TTC28: variants seen among roughly 807,000 people sequenced by gnomAD.
TTC28 encodes tetratricopeptide repeat protein 28.
TTC28 carries 61 observed loss-of-function variants against 198.0 expected under a neutral mutation model. That is an observed-to-expected ratio of 0.31 (90% confidence interval 0.25 to 0.38). The LOEUF (loss-of-function observed/expected upper bound fraction) is 0.38. Among genes scored for constraint, TTC28 ranks in the 10% least tolerant of loss-of-function variants. TTC28 has a pLI of 1.00. For synonymous variants in TTC28, 1,171 were observed against 1,297.8 expected (o/e 0.90, Z 2.10); for missense variants, 2,678 against 3,164.0 (o/e 0.85, Z 3.69).
At chr22:28,625,225 A>G (rs768443088) in intron 2 of TTC28, among the ~76,000 whole-genome samples, 2 of 152,190 alleles carry the variant, frequency 1.3e-5, no homozygotes, top group Non-Finnish European at 2.9e-5. Flanking sequence ...AAGTGAAGAA[A>G]AAGAAAAAGA....
At chr22:28,243,174 C>CAAACAAAAAAAAAA in intron 5 of TTC28, among the ~76,000 whole-genome samples, 1 of 68,336 alleles carries the variant, frequency 1.5e-5, no homozygotes, top group South Asian at 6.1e-4. Context: ...CCCCTCTCTA[C>CAAACAAAAAAAAAA]AAAAAAAAAA....
rs117776185 is a variant in TTC28 at position 28,599,764 on chromosome 22, C to T, written c.381+29788G>A. The stretch of plus-strand genomic sequence containing the variant: ...ATGAGTATGATGAGGTATAAAGGTC[C>T]TATTTTCAATAAAATACTGACCAAA... On this transcript the variant is annotated intron_variant, in intron 2 of 22. Transcript: ENST00000397906. Among the ~76,000 whole-genome samples the T allele has an allele frequency of 3.2e-3, 481 of 152,236 alleles. 7 individuals carry two copies. The East Asian group carries it at 0.049, about 15-fold the overall frequency.
chr22:28,321,148 C>T (rs1193457841), intron 2 of TTC28, among the ~76,000 whole-genome samples: 1 of 152,118 alleles, frequency 6.6e-6, no homozygotes, highest in East Asian at 1.9e-4. Context: ...GGCTGAGAAG[C>T]TTGCTGATGG....
chr22:28,288,416 T>C (rs939797430), intron 5 of TTC28, among the ~76,000 whole-genome samples: 5 of 152,168 alleles, frequency 3.3e-5, no homozygotes, highest in Non-Finnish European at 5.9e-5. Flanking sequence ...TAGAAATAAG[T>C]GCGATGCTCA....
At chr22:28,151,244 G>T (rs1326488891) in intron 6 of TTC28, among the ~76,000 whole-genome samples, 1 of 152,194 alleles carries the variant, frequency 6.6e-6, no homozygotes, top group African/African-American at 2.4e-5. Flanking sequence ...TCAATTACCT[G>T]CTGCTGATAA....
intron 2 of TTC28, among the ~76,000 whole-genome samples, chr22:28,621,565 T>G (rs1053361582): frequency 2.7e-5 from 4 of 148,748 alleles, no homozygotes; most frequent in African/African-American, 7.4e-5. Flanking sequence ...AAAATAATAA[T>G]AATAAAAAAA....
chr22:28,265,416 C>T (rs936245581), intron 5 of TTC28, among the ~76,000 whole-genome samples: 12 of 152,094 alleles, frequency 7.9e-5, no homozygotes, highest in African/African-American at 2.4e-4. Context: ...AGACCACCAA[C>T]GGAAATGTTT....
rs1266250659 is a variant in TTC28 at position 27,982,497 on chromosome 22, A to G, written c.7170T>C (p.Asp2390=). ...GTGACAAATTCAACAGACTGAGGAC[A>G]TCCCTTTTGGAAGTCATCGTGCCAG... ...GAPGTMTSKR[D]VLSLLNLSPR... The change falls in exon 23 of 23, where the codon GAT becomes GAC. Residue 2390 remains aspartate (D), a synonymous_variant. Coordinates refer to ENST00000397906, the MANE Select transcript of TTC28 (RefSeq NM_001145418.2). The surrounding 1 kb of genome is among the most constrained non-coding windows in gnomAD (Gnocchi z 5.2). 6.4e-7 allele frequency: 1 copy of G among 1,551,560 alleles called. No individual in the cohort carries two copies. Among genetic ancestry groups the G allele is most frequent in the Non-Finnish European group, 8.7e-7 (1 of 1,146,994 alleles).
intron 2 of TTC28, among the ~76,000 whole-genome samples, chr22:28,379,375 C>G (rs2046461724): frequency 1.3e-5 from 2 of 151,946 alleles, no homozygotes; most frequent in Non-Finnish European, 2.9e-5. Flanking sequence ...TGGAGGCAAC[C>G]CAAGTTTCTA....
chr22:28,233,392 C>G (rs1187233680), intron 5 of TTC28, among the ~76,000 whole-genome samples: 1 of 152,116 alleles, frequency 6.6e-6, no homozygotes, highest in Non-Finnish European at 1.5e-5. Flanking sequence ...GGAGATATCT[C>G]TATACCTCAC....
At chr22:28,189,118 T>A (rs1924479412) in intron 5 of TTC28, among the ~76,000 whole-genome samples, 1 of 152,110 alleles carries the variant, frequency 6.6e-6, no homozygotes, top group African/African-American at 2.4e-5. Flanking sequence ...GAGGCTGAGG[T>A]GGGAGGATCA....
rs1936982003 is a variant in TTC28 at position 27,980,772 on chromosome 22, C to T, written c.*1449G>A. ...AACTCAGTACTAATACGACTTTCAG[C>T]ATTTCCTTTCTTTATAAAATAAATT... On this transcript the variant is annotated 3_prime_UTR_variant, in exon 23 of 23. Transcript: ENST00000397906. The T allele has an allele frequency of 6.6e-6, 1 of 152,258 alleles. No homozygotes were observed. Among genetic ancestry groups the T allele is most frequent in the Non-Finnish European group, 1.5e-5 (1 of 68,050 alleles). The allele number at this position is 152,258 out of a possible 1,614,324, so 9.4% of individuals were successfully genotyped here.
chr22:28,549,163 G>A (rs1200083433), intron 2 of TTC28, among the ~76,000 whole-genome samples: 3 of 151,966 alleles, frequency 2.0e-5, no homozygotes, highest in Admixed American at 2.0e-4. Flanking sequence ...GAGTAGCTGG[G>A]ATTACAGGCA....
intron 1 of TTC28, among the ~76,000 whole-genome samples, chr22:28,656,761 C>G (rs971326720): frequency 6.6e-6 from 1 of 151,974 alleles, no homozygotes. Flanking sequence ...ACCGGCCTGT[C>G]GTGGCGTGGA....
chr22:28,184,637 G>A (rs1382039578), intron 5 of TTC28, among the ~76,000 whole-genome samples: 1 of 151,736 alleles, frequency 6.6e-6, no homozygotes, highest in Non-Finnish European at 1.5e-5. Flanking sequence ...GATTTGCTTA[G>A]CATAAAAATA....
intron 2 of TTC28, among the ~76,000 whole-genome samples, chr22:28,308,280 A>T (rs1016721622): frequency 3.9e-5 from 6 of 152,170 alleles, no homozygotes; most frequent in Non-Finnish European, 8.8e-5. Context: ...TAGTTTCTAT[A>T]TTGCAAGAGG....
intron 12 of TTC28, among the ~76,000 whole-genome samples, chr22:28,069,925 A>AACACACAC (rs60436240): frequency 0.01 from 1,438 of 142,116 alleles, 20 homozygotes; most frequent in African/African-American, 0.022. Context: ...AGGTTGTACA[A>AACACACAC]ACACACACAC....
chr22:28,083,960 T>G (rs1445254091), intron 12 of TTC28, among the ~76,000 whole-genome samples: 1 of 152,198 alleles, frequency 6.6e-6, no homozygotes, highest in Non-Finnish European at 1.5e-5. Context: ...AGCGAGGCTG[T>G]GGGAGGGGCG....
intron 5 of TTC28, among the ~76,000 whole-genome samples, chr22:28,188,904 G>A (rs1362185350): frequency 1.3e-5 from 2 of 152,070 alleles, no homozygotes; most frequent in Non-Finnish European, 2.9e-5. Flanking sequence ...GCACTAATTC[G>A]TTTTTAGTGC....
Sources: gnomAD v4.1 joint callset for allele counts (sites outside exome capture counted in the v4.1 genomes callset) on GRCh38, gnomAD v4.1.1 for gene constraint, Gnocchi (gnomAD v3.1) non-coding constraint, MANE v1.5 for transcripts, NCBI Gene and HGNC (gene_info 2026-07-23, HGNC 2026-07-21) for gene names.